ARHGEF28: variants seen among roughly 807,000 people sequenced by gnomAD.
The protein encoded by ARHGEF28 is Rho guanine nucleotide exchange factor 28.
Under a neutral mutation model 206.6 loss-of-function variants are expected in ARHGEF28, and 152 were observed. The ratio of observed to expected loss-of-function variants is 0.74; its 90% CI spans 0.64 to 0.84. ARHGEF28 has a LOEUF of 0.84. Among genes scored for constraint, ARHGEF28 ranks in the 40% least tolerant of loss-of-function variants. The pLI, the probability that ARHGEF28 is intolerant of heterozygous loss-of-function variation, is 0.00. For synonymous variants in ARHGEF28, 763 were observed against 776.4 expected (o/e 0.98, Z 0.29); for missense variants, 2,028 against 2,073.2 (o/e 0.98, Z 0.42).
intron 10 of ARHGEF28, among the ~76,000 whole-genome samples, chr5:73,834,749 A>G (rs1056532814): frequency 3.9e-5 from 6 of 152,166 alleles, no homozygotes; most frequent in Admixed American, 6.5e-5. Context: ...AGTATTCTGT[A>G]TAGTAACATG....
chr5:73,931,085 T>G lies in ARHGEF28; in HGVS notation c.4949-9759T>G, dbSNP rs564882698. ...GCTGAAATGTCCTTCTCATTTTATT[T>G]TTGCTACTCTGACACTTGTTTTTTA... On this transcript the variant is annotated intron_variant, in intron 35 of 35. Transcript: ENST00000513042. Among the ~76,000 whole-genome samples the G allele has an allele frequency of 3.9e-5, 6 of 152,378 alleles. No homozygotes were observed. In the East Asian group the frequency reaches 1.2e-3, roughly 29 times the overall value.
chr5:73,936,765 A>C (rs1370641170), intron 35 of ARHGEF28, among the ~76,000 whole-genome samples: 1 of 152,166 alleles, frequency 6.6e-6, no homozygotes, highest in African/African-American at 2.4e-5. Flanking sequence ...ACAGGGTCTC[A>C]CTATGTTGCC....
chr5:73,691,117 A>T (rs1175847744), intron 2 of ARHGEF28, among the ~76,000 whole-genome samples: 2 of 151,954 alleles, frequency 1.3e-5, no homozygotes, highest in African/African-American at 4.8e-5. Context: ...TTTTGTAGAG[A>T]TGGGGTCTTG....
intron 4 of ARHGEF28, among the ~76,000 whole-genome samples, chr5:73,764,505 A>G (rs1644007271): frequency 1.3e-5 from 2 of 152,214 alleles, no homozygotes; most frequent in Admixed American, 6.5e-5. Context: ...ATACAGCACT[A>G]TGTGAATTTT....
Position 73,815,885 on chromosome 5 carries a change from G to T in ARHGEF28, c.1025-16453G>T, listed in dbSNP as rs114123492. Among the ~76,000 whole-genome samples, 825 of 152,306 alleles carry T rather than the reference G, an allele frequency of 5.4e-3. 8 individuals are homozygous for T. Among genetic ancestry groups the T allele is most frequent in the African/African-American group, 0.019 (775 of 41,566 alleles). ...ACTGATAAAAGATGAGTGAAAATAAGGTTGGTAGCAGAGAGGTGGGGATTG... is the reference window on the plus strand; with the variant it reads ...ACTGATAAAAGATGAGTGAAAATAATGTTGGTAGCAGAGAGGTGGGGATTG... On this transcript the variant is annotated intron_variant, in intron 9 of 35. Coordinates refer to ENST00000513042, the MANE Select transcript of ARHGEF28 (RefSeq NM_001177693.2).
chr5:73,808,788 G>A (rs1755663563), intron 9 of ARHGEF28, among the ~76,000 whole-genome samples: 2 of 152,066 alleles, frequency 1.3e-5, no homozygotes, highest in South Asian at 4.2e-4. Flanking sequence ...GCTTAACAGT[G>A]GAGTAGAGAA....
intron 14 of ARHGEF28, 121 bp from the exon 15 acceptor site, chr5:73,857,535 G>GA (rs1759121962): frequency 1.8e-6 from 2 of 1,112,144 alleles, no homozygotes; most frequent in East Asian, 2.8e-5. Flanking sequence ...ACTAAAACCT[G>GA]AAAAAATACA....
chr5:73,794,339 T>C, intron 7 of ARHGEF28, 63 bp from the exon 8 acceptor site: 1 of 1,291,220 alleles, frequency 7.7e-7, no homozygotes, highest in Non-Finnish European at 1.1e-6. Context: ...TGTCAGCTAG[T>C]AGTTGTTGTT....
chr5:73,671,746 T>A (rs1467963349), intron 1 of ARHGEF28, among the ~76,000 whole-genome samples: 23 of 25,274 alleles, frequency 9.1e-4, no homozygotes, highest in African/African-American at 3.6e-3. Context: ...ATATTTTTTT[T>A]TTTTTTTTTT....
intron 35 of ARHGEF28, among the ~76,000 whole-genome samples, chr5:73,917,137 G>T (rs1354296168): frequency 5.9e-5 from 9 of 152,160 alleles, no homozygotes; most frequent in Admixed American, 5.9e-4. Context: ...TGAGTGCTCT[G>T]ATTGGGAGGG....
intron 1 of ARHGEF28, among the ~76,000 whole-genome samples, chr5:73,638,302 C>T (rs2112132382): frequency 6.6e-6 from 1 of 152,250 alleles, no homozygotes; most frequent in South Asian, 2.1e-4. Flanking sequence ...CTTGCCATGA[C>T]TTTACATCTT....
chr5:73,802,404 G>A (rs996332768), intron 9 of ARHGEF28, among the ~76,000 whole-genome samples: 3 of 152,062 alleles, frequency 2.0e-5, no homozygotes, highest in Admixed American at 1.3e-4. Flanking sequence ...CCTACCTTTA[G>A]TACATTCTAA....
intron 2 of ARHGEF28, among the ~76,000 whole-genome samples, chr5:73,715,791 C>T (rs546432412): frequency 6.6e-6 from 1 of 152,198 alleles, no homozygotes; most frequent in Non-Finnish European, 1.5e-5. Flanking sequence ...ATTCATGGAA[C>T]TCCTAACAGT....
At chr5:73,903,926 T>C (rs1022431386) in intron 31 of ARHGEF28, 10 of 426,266 alleles carry the variant, frequency 2.3e-5, no homozygotes, top group African/African-American at 1.8e-4. Context: ...GTAAATGTTG[T>C]TACTTGAGTT....
At chr5:73,754,907 ATTTT>A (rs1242293411) in intron 4 of ARHGEF28, among the ~76,000 whole-genome samples, 3 of 130,546 alleles carry the variant, frequency 2.3e-5, no homozygotes, top group Non-Finnish European at 3.3e-5. Flanking sequence ...TTATTTATTT[ATTTT>A]TTTAGAGACA....
At chr5:73,883,193 G>T (rs994287532) in intron 23 of ARHGEF28, among the ~76,000 whole-genome samples, 2 of 151,924 alleles carry the variant, frequency 1.3e-5, no homozygotes, top group African/African-American at 4.8e-5. Flanking sequence ...TTTATTTGTT[G>T]AAGAAATTTG....
chr5:73,920,511 GGTAATTTGCT>G (rs1455812894), intron 35 of ARHGEF28, among the ~76,000 whole-genome samples: 3 of 150,040 alleles, frequency 2.0e-5, no homozygotes, highest in Admixed American at 2.0e-4. Flanking sequence ...CATGTGCCAT[GGTAATTTGCT>G]GTACCTATCA....
Position 73,904,340 on chromosome 5 carries a change from TAC to T in ARHGEF28, c.4114-16_4114-15del. On this transcript the variant is annotated splice_polypyrimidine_tract_variant and intron_variant, in intron 32 of 35. Transcript: ENST00000513042. ...AAAGCTTTTTCAAGAATTTGACACT[TAC>T]AATTTTGTTTTTCAGATTATACAAG... 1 of 1,613,362 alleles carries T rather than the reference TAC, an allele frequency of 6.2e-7. No individual in the cohort carries two copies. The highest frequency in any genetic ancestry group is 8.5e-7 in the Non-Finnish European group (1 of 1,179,542).
chr5:73,702,524 G>T (rs2112289254), intron 2 of ARHGEF28, among the ~76,000 whole-genome samples: 1 of 152,248 alleles, frequency 6.6e-6, no homozygotes, highest in South Asian at 2.1e-4. Flanking sequence ...GTATCCGTTT[G>T]AGTCCCTGCT....
Sources: gnomAD v4.1 joint callset for allele counts (sites outside exome capture counted in the v4.1 genomes callset) on GRCh38, gnomAD v4.1.1 for gene constraint, MANE v1.5 for transcripts, NCBI Gene and HGNC (gene_info 2026-07-23, HGNC 2026-07-21) for gene names.